Variants in CDK17 observed in about 807,000 individuals in gnomAD.
The protein encoded by CDK17 is cyclin-dependent kinase 17.
A neutral mutation model predicts 77.6 loss-of-function variants in CDK17; 24 were observed. The ratio of observed to expected loss-of-function variants is 0.31; its 90% confidence interval spans 0.22 to 0.44. The LOEUF is 0.44. Among genes scored for constraint, CDK17 ranks in the 20% least tolerant of loss-of-function variants. CDK17 has a pLI of 1.00. For missense variants in CDK17, 429 were observed against 622.5 expected (o/e 0.69, Z 3.31); for synonymous variants, 203 against 210.4 (o/e 0.96, Z 0.30).
chr12:96,370,244 T>C (rs553693371), intron 1 of CDK17, among the ~76,000 whole-genome samples: 1 of 152,328 alleles, frequency 6.6e-6, no homozygotes, highest in East Asian at 1.9e-4. Flanking sequence ...ATTGCTTTAA[T>C]TTATTTGGTT....
intron 5 of CDK17, among the ~76,000 whole-genome samples, chr12:96,301,252 A>AC (rs966509625): frequency 2.7e-5 from 4 of 148,114 alleles, no homozygotes; most frequent in African/African-American, 7.4e-5. Context: ...AAAAAAAAAA[A>AC]AAAAAAACAA....
chr12:96,344,030 A>G (rs1953161889), intron 1 of CDK17, among the ~76,000 whole-genome samples: 1 of 152,250 alleles, frequency 6.6e-6, no homozygotes, highest in Admixed American at 6.5e-5. Context: ...CAAAAATTCC[A>G]AAGCTAAAAA....
At position 96,386,186 on chromosome 12, in the gene CDK17, G is replaced by A. The variant is rs868772509; in HGVS notation, c.-30+13800C>T. On this transcript the variant is annotated intron_variant, in intron 1 of 16. Coordinates refer to ENST00000261211, the MANE Select transcript of CDK17 (RefSeq NM_002595.5). ...TTTTAAAACACTTTTTAAAGAGATGGCATTTTGCCATGTTGCCCAGGCTTG... is the reference window on the plus strand; with the variant it reads ...TTTTAAAACACTTTTTAAAGAGATGACATTTTGCCATGTTGCCCAGGCTTG... 1.1e-4 allele frequency among the ~76,000 whole-genome samples: 16 copies of A among 152,244 alleles called. No homozygotes were observed. The Middle Eastern group carries it at 0.017, about 162-fold the overall frequency.
chr12:96,316,015 G>A lies in CDK17; in HGVS notation c.284-2561C>T, dbSNP rs868247435. Among the ~76,000 whole-genome samples, 18 of 152,288 alleles carry A rather than the reference G, an allele frequency of 1.2e-4. No individual in the cohort carries two copies. The South Asian group carries it at 1.2e-3, about 11-fold the overall frequency. Reference sequence around the variant, plus strand: ...TCCCAGCGTGAGCGACGCAGAAGACGGGTGATTTCTGCATTTCCATCTGAG... The same window carrying A: ...TCCCAGCGTGAGCGACGCAGAAGACAGGTGATTTCTGCATTTCCATCTGAG... On this transcript the variant is annotated intron_variant, in intron 3 of 16. Coordinates refer to ENST00000261211, the MANE Select transcript of CDK17 (RefSeq NM_002595.5).
intron 1 of CDK17, among the ~76,000 whole-genome samples, chr12:96,338,707 T>C (rs922506936): frequency 6.6e-6 from 1 of 151,882 alleles, no homozygotes; most frequent in African/African-American, 2.4e-5. Context: ...ATGTTATTAA[T>C]ATAATAGTTA....
intron 10 of CDK17, among the ~76,000 whole-genome samples, chr12:96,293,170 A>G (rs1952350122): frequency 6.6e-6 from 1 of 152,224 alleles, no homozygotes; most frequent in African/African-American, 2.4e-5. Flanking sequence ...AACAGTAAGA[A>G]GAATGGCCTT....
At chr12:96,393,920 T>A (rs532394852) in intron 1 of CDK17, among the ~76,000 whole-genome samples, 1 of 152,180 alleles carries the variant, frequency 6.6e-6, no homozygotes, top group African/African-American at 2.4e-5. Flanking sequence ...AAATTTGGAG[T>A]GATAAGGGCT....
chr12:96,396,998 C>A (rs1024054067), intron 1 of CDK17, among the ~76,000 whole-genome samples: 1 of 152,140 alleles, frequency 6.6e-6, no homozygotes, highest in Non-Finnish European at 1.5e-5. Flanking sequence ...GGGACATCGT[C>A]ATCTCCACTT....
intron 2 of CDK17, among the ~76,000 whole-genome samples, chr12:96,326,456 T>A (rs765744733): frequency 6.6e-6 from 1 of 152,168 alleles, no homozygotes; most frequent in Non-Finnish European, 1.5e-5. Context: ...TAACAGAAAT[T>A]TAAATGCAAG....
intron 1 of CDK17, among the ~76,000 whole-genome samples, chr12:96,391,886 A>G (rs979356766): frequency 6.6e-6 from 1 of 152,164 alleles, no homozygotes; most frequent in Admixed American, 6.5e-5. Context: ...TATAGCTCCA[A>G]TATTTGAAAC....
intron 1 of CDK17, among the ~76,000 whole-genome samples, chr12:96,355,755 A>T (rs1038598125): frequency 6.6e-6 from 1 of 152,172 alleles, no homozygotes; most frequent in East Asian, 1.9e-4. Flanking sequence ...TCTCCTTAAG[A>T]ACAGGGAATT....
intron 1 of CDK17, among the ~76,000 whole-genome samples, chr12:96,345,060 T>C (rs1035689313): frequency 1.3e-5 from 2 of 152,226 alleles, no homozygotes; most frequent in African/African-American, 2.4e-5. Flanking sequence ...CTCCCACTTA[T>C]AAGTCAGAAC....
At chr12:96,356,052 A>G (rs1354722116) in intron 1 of CDK17, among the ~76,000 whole-genome samples, 2 of 152,190 alleles carry the variant, frequency 1.3e-5, no homozygotes, top group Non-Finnish European at 2.9e-5. Context: ...AGGCCCTATC[A>G]TGTCCCCAGC....
At chr12:96,283,064 C>T (rs985925065) in intron 14 of CDK17, among the ~76,000 whole-genome samples, 5 of 151,978 alleles carry the variant, frequency 3.3e-5, no homozygotes, top group African/African-American at 9.7e-5. Context: ...TGAATCATAA[C>T]TGTTTTAAAT....
intron 1 of CDK17, among the ~76,000 whole-genome samples, chr12:96,383,694 A>G (rs1436547047): frequency 6.6e-6 from 1 of 152,186 alleles, no homozygotes; most frequent in East Asian, 1.9e-4. Flanking sequence ...CTATTCAATA[A>G]ATCATGTTGG....
At chr12:96,334,189 G>A (rs976109175) in intron 2 of CDK17, among the ~76,000 whole-genome samples, 2 of 152,160 alleles carry the variant, frequency 1.3e-5, no homozygotes, top group Admixed American at 1.3e-4. Context: ...ATTTGAATAT[G>A]TAGCCTTCCT....
intron 1 of CDK17, among the ~76,000 whole-genome samples, chr12:96,353,282 A>G (rs1300103336): frequency 6.6e-6 from 1 of 152,200 alleles, no homozygotes; most frequent in Admixed American, 6.5e-5. Context: ...ATGGAGATCC[A>G]TTTATATAAA....
rs951084366 is a variant in CDK17 at position 96,354,651 on chromosome 12, G to A, written c.-29-19786C>T. Among the ~76,000 whole-genome samples, 4 of 152,088 alleles carry A rather than the reference G, an allele frequency of 2.6e-5. No homozygotes were observed. In the South Asian group the frequency reaches 8.3e-4, roughly 32 times the overall value. On this transcript the variant is annotated intron_variant, in intron 1 of 16. Transcript: ENST00000261211. Reference sequence around the variant, plus strand: ...TCCCAGTGACTCGAGAGGCTGAGGCGGGAGAGCTGTTTGAGGCCAAGAGTT... The same window carrying A: ...TCCCAGTGACTCGAGAGGCTGAGGCAGGAGAGCTGTTTGAGGCCAAGAGTT...
At chr12:96,389,512 GA>G (rs1448687445) in intron 1 of CDK17, among the ~76,000 whole-genome samples, 2 of 152,126 alleles carry the variant, frequency 1.3e-5, no homozygotes, top group African/African-American at 2.4e-5. Flanking sequence ...CTGGAGAAGG[GA>G]GGGATCAACA....
Sources: allele counts gnomAD v4.1 joint callset (sites outside exome capture counted in the v4.1 genomes callset), GRCh38; gene constraint gnomAD v4.1.1; transcripts MANE v1.5; gene names NCBI Gene and HGNC (gene_info 2026-07-23, HGNC 2026-07-21).